Variants in VPS36 observed in about 807,000 individuals in gnomAD.
The protein encoded by VPS36 is vacuolar protein sorting 36 homolog, also known as vacuolar protein-sorting-associated protein 36.
A neutral mutation model predicts 63.5 loss-of-function variants in VPS36; 31 were observed. That is an observed-to-expected ratio of 0.49 (90% CI 0.37 to 0.66). VPS36 has a LOEUF of 0.66. Ranked by LOEUF, VPS36 falls within the 30% of genes least tolerant of loss-of-function variation. The pLI, the probability that VPS36 is intolerant of heterozygous loss-of-function variation, is 0.00. For synonymous variants in VPS36, 138 were observed against 157.2 expected, an observed-to-expected ratio of 0.88 and a Z score of 0.91; for missense variants, 338 against 463.7, an observed-to-expected ratio of 0.73 and a Z score of 2.49.
At chr13:52,439,277 A>T in intron 2 of VPS36, 109 bp from the exon 3 acceptor site, 1 of 812,930 alleles carries the variant, frequency 1.2e-6, no homozygotes, top group Non-Finnish European at 1.8e-6. Context: ...AATAATAAAA[A>T]TAATGAAAAA....
chr13:52,450,478 G>T, intron 1 of VPS36, 21 bp downstream of exon 1: 1 of 1,583,010 alleles, frequency 6.3e-7, no homozygotes, highest in Non-Finnish European at 8.6e-7. Flanking sequence ...AGCCCGTTGG[G>T]AAGGTTGGCA....
chr13:52,441,761 G>A (rs1006872043), intron 2 of VPS36, among the ~76,000 whole-genome samples: 4 of 151,620 alleles, frequency 2.6e-5, no homozygotes, highest in Non-Finnish European at 5.9e-5. Context: ...CAAAAAAAAG[G>A]GGGGGATGCG....
At chr13:52,434,649 C>T (rs778140809) in intron 5 of VPS36, 144 bp downstream of exon 5, 481 of 822,730 alleles carry the variant, frequency 5.8e-4, no homozygotes, top group Non-Finnish European at 8.5e-4. Flanking sequence ...TGAGCCACCG[C>T]GCCCTACCGA....
Position 52,426,971 on chromosome 13 carries a change from A to G in VPS36, c.639+18T>C, listed in dbSNP as rs781166277. On this transcript the variant is annotated intron_variant, in intron 8 of 13. Transcript: ENST00000378060. ...TGTTATCTAGTTTCAAATGCCTTAA[A>G]AAAAGCAACTTATTTACCTCATCTT... is the stretch of plus-strand genomic sequence containing the variant. 1 of 1,599,328 alleles carries G rather than the reference A, an allele frequency of 6.3e-7. No homozygotes were observed. The highest frequency in any genetic ancestry group is 1.3e-5 in the African/African-American group (1 of 74,150).
intron 8 of VPS36, 120 bp from the exon 9 acceptor site, chr13:52,426,186 T>G (rs1958099437): frequency 1.6e-6 from 2 of 1,275,118 alleles, no homozygotes; most frequent in Non-Finnish European, 1.1e-6. Flanking sequence ...TCTACTGTGT[T>G]TCTATGCTGT....
chr13:52,437,396 A>G lies in VPS36; in HGVS notation c.237-992T>C, dbSNP rs1958229963. ...TAGAACTGTCTGAAACAAACCATCA[A>G]GTAGAGCAACAAAACTATGACAATT... On this transcript the variant is annotated intron_variant, in intron 3 of 13. Coordinates refer to ENST00000378060, the MANE Select transcript of VPS36 (RefSeq NM_016075.4). Among the ~76,000 whole-genome samples the G allele has an allele frequency of 2.0e-5, 3 of 152,178 alleles. No individual in the cohort carries two copies. The South Asian group carries it at 6.2e-4, about 31-fold the overall frequency.
intron 13 of VPS36, 33 bp downstream of exon 13, chr13:52,415,984 T>C (rs1357899315): frequency 5.0e-6 from 8 of 1,612,596 alleles, no homozygotes; most frequent in Non-Finnish European, 6.8e-6. Flanking sequence ...CACACAAACA[T>C]ACATTGTAAT....
chr13:52,416,194 G>GC, intron 12 of VPS36, 101 bp from the exon 13 acceptor site: 2 of 1,089,188 alleles, frequency 1.8e-6, no homozygotes, highest in Non-Finnish European at 2.7e-6. Flanking sequence ...ACCAGTATAT[G>GC]CAAGAAATAA....
At chr13:52,427,141 CTG>C (rs1958109882) in intron 7 of VPS36, 44 bp downstream of exon 7, 6 of 1,606,636 alleles carry the variant, frequency 3.7e-6, no homozygotes, top group South Asian at 1.1e-5. Flanking sequence ...ATTTCAAAAA[CTG>C]TATCATAATT....
In VPS36 at chr13:52,442,912, TAGA is replaced by T. The variant is rs544599067; in HGVS notation, c.97-470_97-468del. Among the ~76,000 whole-genome samples the T allele has an allele frequency of 8.5e-5, 13 of 152,212 alleles. No homozygotes were observed. In the East Asian group the frequency reaches 2.5e-3, roughly 29 times the overall value. On this transcript the variant is annotated intron_variant, in intron 1 of 13. Transcript: ENST00000378060. Reference sequence around the variant, plus strand: ...CTCAGAAAAAGTGTGAGGAAAGGGGTAGAAGGGAAGCAAAGAGCTCTTTTGTAC... The same window carrying T: ...CTCAGAAAAAGTGTGAGGAAAGGGGTAGGGAAGCAAAGAGCTCTTTTGTAC...
rs144015974 is a variant in VPS36, at chr13:52,428,994, T to C, written c.529-1775A>G. The stretch of plus-strand genomic sequence containing the variant: ...AGCTTCCTCACTTTTATTTTTATAA[T>C]TATTATAAAATTTGGAATTAGTCAA... On this transcript the variant is annotated intron_variant, in intron 6 of 13. Coordinates refer to ENST00000378060, the MANE Select transcript of VPS36 (RefSeq NM_016075.4). 5.6e-3 allele frequency among the ~76,000 whole-genome samples: 845 copies of C among 152,148 alleles called. 4 individuals are homozygous for C. The highest frequency in any genetic ancestry group is 0.02 in the African/African-American group (812 of 41,450).
chr13:52,440,462 T>A (rs2137803939), intron 2 of VPS36, among the ~76,000 whole-genome samples: 1 of 152,196 alleles, frequency 6.6e-6, no homozygotes, highest in South Asian at 2.1e-4. Context: ...CCTAGCTAAT[T>A]TTGTATTTTT....
chr13:52,434,931 T>A, intron 4 of VPS36, 49 bp from the exon 5 acceptor site: 2 of 1,457,216 alleles, frequency 1.4e-6, no homozygotes, highest in Non-Finnish European at 1.9e-6. Context: ...GATTGTAACA[T>A]CCTTGTATAA....
chr13:52,443,104 A>T (rs950394681), intron 1 of VPS36, among the ~76,000 whole-genome samples: 2 of 152,236 alleles, frequency 1.3e-5, no homozygotes, highest in Admixed American at 6.5e-5. Context: ...GTTGCCAGGT[A>T]GGAAAAAGAA....
Position 52,415,119 on chromosome 13 carries a change from C to T in VPS36, c.*711G>A, listed in dbSNP as rs1034844449. 1 of 152,144 alleles carries T rather than the reference C, an allele frequency of 6.6e-6. No individual in the cohort carries two copies. The highest frequency in any genetic ancestry group is 6.5e-5 in the Admixed American group (1 of 15,272). The allele number at this position is 152,144 out of a possible 1,614,324, so 9.4% of individuals were successfully genotyped here. ...CAACAATCCCAGGGAATTCCTGAGCCGTCTACCTCCTAAATTTGTAATCAT... is the reference window on the plus strand; with the variant it reads ...CAACAATCCCAGGGAATTCCTGAGCTGTCTACCTCCTAAATTTGTAATCAT... On this transcript the variant is annotated 3_prime_UTR_variant, in exon 14 of 14. Transcript: ENST00000378060.
rs977649697 is a variant in VPS36 at position 52,412,984 on chromosome 13, C to T, written c.*2846G>A. 1 of 152,614 alleles carries T rather than the reference C, an allele frequency of 6.6e-6. No homozygotes were observed. The highest frequency in any genetic ancestry group is 2.4e-5 in the African/African-American group (1 of 41,448). 9.5% of individuals were successfully genotyped at this position (152,614 alleles called of 1,614,324 possible). On this transcript the variant is annotated 3_prime_UTR_variant, in exon 14 of 14. Transcript: ENST00000378060. ...AATATATTCATACCTACATATCACT[C>T]CACAGGGATTTAAACTTTAAGACTA...
At chr13:52,425,767 GAAT>G (rs1464726260) in intron 9 of VPS36, 162 bp downstream of exon 9, 3 of 628,152 alleles carry the variant, frequency 4.8e-6, no homozygotes, top group Non-Finnish European at 7.0e-6. Flanking sequence ...AAATTACAAA[GAAT>G]AATAAGCACA....
At chr13:52,439,468 C>T (rs558609794) in intron 2 of VPS36, among the ~76,000 whole-genome samples, 4 of 151,266 alleles carry the variant, frequency 2.6e-5, no homozygotes, top group Non-Finnish European at 4.4e-5. Flanking sequence ...TTTTTTGAGG[C>T]GGAGTCTCAC....
At position 52,427,006 on chromosome 13, in the gene VPS36, C is replaced by CAAG; in HGVS notation, c.621_622insCTT (p.Gly207_Asp208insLeu). 1 of 1,612,602 alleles carries CAAG rather than the reference C, an allele frequency of 6.2e-7. No homozygotes were observed. The highest frequency in any genetic ancestry group is 1.7e-5 in the Admixed American group (1 of 59,810). On this transcript the variant is annotated inframe_insertion, in exon 8 of 14. Coordinates refer to ENST00000378060, the MANE Select transcript of VPS36 (RefSeq NM_016075.4). ...TTATTTACCTCATCTTCTGTGATGT[C>CAAG]ACCTTGTTTGTCTTTAATTTTATTA...
Sources: gnomAD v4.1 joint callset for allele counts (sites outside exome capture counted in the v4.1 genomes callset) on GRCh38, gnomAD v4.1.1 for gene constraint, MANE v1.5 for transcripts, NCBI Gene and HGNC (gene_info 2026-07-23, HGNC 2026-07-21) for gene names.